The following RAPGEF2 variants were observed in gnomAD, a reference collection of about 807,000 sequenced individuals.
RAPGEF2 encodes Rap guanine nucleotide exchange factor 2.
Under a neutral mutation model 186.7 loss-of-function variants are expected in RAPGEF2, and 54 were observed. That is an observed-to-expected ratio of 0.29 (90% CI 0.23 to 0.36). The LOEUF (loss-of-function observed/expected upper bound fraction) is 0.36. Among genes scored for constraint, RAPGEF2 ranks in the 10% least tolerant of loss-of-function variants. RAPGEF2 has a pLI of 1.00. For synonymous variants in RAPGEF2, 712 were observed against 705.9 expected (o/e 1.01, Z -0.14); for missense variants, 1,532 against 2,045.0 (o/e 0.75, Z 4.84).
chr4:159,172,744 A>G (rs1308021405), intron 1 of RAPGEF2, among the ~76,000 whole-genome samples: 1 of 152,200 alleles, frequency 6.6e-6, no homozygotes, highest in Non-Finnish European at 1.5e-5. Context: ...CAAAACATGT[A>G]TTGAAAGGTG....
chr4:159,233,438 T>C (rs1472396042), intron 4 of RAPGEF2, among the ~76,000 whole-genome samples: 1 of 152,240 alleles, frequency 6.6e-6, no homozygotes, highest in Non-Finnish European at 1.5e-5. Context: ...AGATATGGCA[T>C]ACTTGTCAAA....
intron 1 of RAPGEF2, among the ~76,000 whole-genome samples, chr4:159,176,032 G>A (rs549256989): frequency 6.6e-6 from 1 of 152,292 alleles, no homozygotes; most frequent in Admixed American, 6.5e-5. Flanking sequence ...CACATGTGAA[G>A]GCCCTAATGT....
chr4:159,275,231 T>C (rs1381095139), intron 7 of RAPGEF2, among the ~76,000 whole-genome samples: 2 of 152,176 alleles, frequency 1.3e-5, no homozygotes, highest in African/African-American at 4.8e-5. Context: ...TTCAGATCTC[T>C]TCATTCTACA....
At chr4:159,202,361 C>G (rs1749525654) in intron 3 of RAPGEF2, among the ~76,000 whole-genome samples, 1 of 152,154 alleles carries the variant, frequency 6.6e-6, no homozygotes, top group African/African-American at 2.4e-5. Context: ...GCACTAACTT[C>G]TAGTTCCAGT....
chr4:159,344,168 T>C, intron 23 of RAPGEF2, 109 bp downstream of exon 23: 1 of 1,181,420 alleles, frequency 8.5e-7, no homozygotes, highest in Non-Finnish European at 1.3e-6. Context: ...ATTTTTTTCC[T>C]TAACCCTCGT....
intron 1 of RAPGEF2, among the ~76,000 whole-genome samples, chr4:159,112,638 T>A (rs1176446772): frequency 6.6e-6 from 1 of 152,058 alleles, no homozygotes; most frequent in Non-Finnish European, 1.5e-5. Context: ...AAGAGACACC[T>A]CTTTGTTATA....
chr4:159,228,116 G>GT (rs1234148542), intron 4 of RAPGEF2: 1 of 152,240 alleles, frequency 6.6e-6, no homozygotes, highest in Non-Finnish European at 1.5e-5. Context: ...TGCGAAAAGA[G>GT]TGCCCATACA....
intron 7 of RAPGEF2, chr4:159,268,239 T>C: frequency 2.0e-6 from 3 of 1,515,900 alleles, no homozygotes; most frequent in Non-Finnish European, 2.8e-6. Context: ...ATGCTGCTTG[T>C]GCTTTGATAG....
intron 4 of RAPGEF2, among the ~76,000 whole-genome samples, chr4:159,237,311 G>C (rs1276405084): frequency 6.6e-6 from 1 of 152,106 alleles, no homozygotes; most frequent in Non-Finnish European, 1.5e-5. Flanking sequence ...AGGTGCCATC[G>C]CGCGTGGCCG....
intron 7 of RAPGEF2, among the ~76,000 whole-genome samples, chr4:159,290,882 C>T (rs1412648432): frequency 6.6e-6 from 1 of 152,142 alleles, no homozygotes; most frequent in Non-Finnish European, 1.5e-5. Flanking sequence ...TTGTATAGTG[C>T]CCTCCCGACA....
In RAPGEF2 at chr4:159,270,177, G is replaced by A. The variant is rs555698894; in HGVS notation, c.543+26386G>A. On this transcript the variant is annotated intron_variant, in intron 7 of 29. Transcript: ENST00000691494. The stretch of plus-strand genomic sequence containing the variant: ...CAAGATGTCACATGCAGCAGAGTTG[G>A]CAGCTTACAACATCAAGGTCTGGCT... Among the ~76,000 whole-genome samples, 16 of 152,290 alleles carry A rather than the reference G, an allele frequency of 1.1e-4. No homozygotes were observed. The South Asian group carries it at 3.3e-3, about 32-fold the overall frequency.
chr4:159,340,366 A>G lies in RAPGEF2; in HGVS notation c.2534+1012A>G, dbSNP rs569814182. On this transcript the variant is annotated intron_variant, in intron 19 of 29. Coordinates refer to ENST00000691494, the MANE Select transcript of RAPGEF2 (RefSeq NM_001394067.2). The stretch of plus-strand genomic sequence containing the variant: ...GCACATTGATATATCTGGAACCACG[A>G]TAGAGTTTTACAGAGCTCCACTGAG... 6.6e-5 allele frequency among the ~76,000 whole-genome samples: 10 copies of G among 152,254 alleles called. No individual in the cohort carries two copies. In the South Asian group the frequency reaches 2.1e-3, roughly 32 times the overall value.
chr4:159,149,463 TG>T (rs1037310901), intron 1 of RAPGEF2, among the ~76,000 whole-genome samples: 1 of 152,104 alleles, frequency 6.6e-6, no homozygotes. Context: ...TTCAGCATCT[TG>T]GCCAGGCTGG....
intron 1 of RAPGEF2, among the ~76,000 whole-genome samples, chr4:159,152,195 G>A (rs552970968): frequency 2.0e-5 from 3 of 151,886 alleles, no homozygotes; most frequent in Admixed American, 1.3e-4. Flanking sequence ...AGTGTTGCAC[G>A]CCTGTAGTCC....
intron 7 of RAPGEF2, among the ~76,000 whole-genome samples, chr4:159,250,357 A>G (rs12508599): frequency 0.35 from 52,712 of 152,070 alleles, 9,661 homozygotes; most frequent in Non-Finnish European, 0.41. Flanking sequence ...GACAGGTGGT[A>G]GTTGGATGCA....
chr4:159,223,388 C>G (rs868079913), intron 4 of RAPGEF2, among the ~76,000 whole-genome samples: 3 of 152,066 alleles, frequency 2.0e-5, no homozygotes, highest in South Asian at 2.1e-4. Context: ...TGATGGCTTA[C>G]CTTTTCATGT....
chr4:159,298,767 A>G lies in RAPGEF2; in HGVS notation c.544-5575A>G, dbSNP rs1296784968. ...GGGAATAGCTCAATAATCCATTGGC[A>G]TCTAGGCTTAGATTCCAGCTACAGG... On this transcript the variant is annotated intron_variant, in intron 7 of 29. Transcript: ENST00000691494. Among the ~76,000 whole-genome samples the G allele has an allele frequency of 2.6e-5, 4 of 152,318 alleles. No homozygotes were observed. In the East Asian group the frequency reaches 5.8e-4, roughly 22 times the overall value.
chr4:159,329,718 T>C, intron 11 of RAPGEF2, 140 bp from the exon 12 acceptor site: 1 of 608,882 alleles, frequency 1.6e-6, no homozygotes, highest in East Asian at 3.1e-5. Context: ...TGATTAAGGT[T>C]CATTACAGCA....
chr4:159,131,958 C>T (rs1163410779), intron 1 of RAPGEF2, among the ~76,000 whole-genome samples: 1 of 152,106 alleles, frequency 6.6e-6, no homozygotes, highest in East Asian at 1.9e-4. Flanking sequence ...AGATTCAAAT[C>T]TGGATACTTG....
Sources: allele counts gnomAD v4.1 joint callset (sites outside exome capture counted in the v4.1 genomes callset), GRCh38; gene constraint gnomAD v4.1.1; transcripts MANE v1.5; gene names NCBI Gene and HGNC (gene_info 2026-07-23, HGNC 2026-07-21).